The following GLRX3 variants were observed in gnomAD, a reference collection of about 807,000 sequenced individuals.
The protein encoded by GLRX3 is glutaredoxin 3.
Under a neutral mutation model 49.5 loss-of-function variants are expected in GLRX3, and 22 were observed. The ratio of observed to expected loss-of-function variants is 0.44; its 90% CI spans 0.32 to 0.63. GLRX3 has a LOEUF of 0.63. Ranked by LOEUF, GLRX3 falls within the 30% of genes least tolerant of loss-of-function variation. GLRX3 has a pLI of 0.05. For missense variants in GLRX3, 385 were observed against 396.3 expected (o/e 0.97, Z 0.24); for synonymous variants, 133 against 140.0 (o/e 0.95, Z 0.35).
chr10:130,162,762 G>A (rs1290389878), intron 4 of GLRX3, among the ~76,000 whole-genome samples: 3 of 152,168 alleles, frequency 2.0e-5, no homozygotes, highest in Non-Finnish European at 4.4e-5. Context: ...AGGATGTCCT[G>A]GGAAGTGTGC....
intron 10 of GLRX3, among the ~76,000 whole-genome samples, 172 bp from the exon 11 acceptor site, chr10:130,179,170 G>A (rs1257996335): frequency 6.6e-6 from 1 of 152,184 alleles, no homozygotes; most frequent in African/African-American, 2.4e-5. Flanking sequence ...TAACCTGATA[G>A]TGTATTCAGG....
intron 2 of GLRX3, among the ~76,000 whole-genome samples, chr10:130,151,840 C>T (rs562093951): frequency 6.6e-6 from 1 of 152,184 alleles, no homozygotes; most frequent in South Asian, 2.1e-4. Context: ...TTTCCATTTG[C>T]TTGGTAGATC....
At chr10:130,139,024 G>C (rs949636508) in intron 1 of GLRX3, among the ~76,000 whole-genome samples, 2 of 151,578 alleles carry the variant, frequency 1.3e-5, no homozygotes, top group African/African-American at 4.8e-5. Flanking sequence ...ACCACGCCTG[G>C]CTAATTTTTG....
intron 10 of GLRX3, among the ~76,000 whole-genome samples, chr10:130,178,855 C>T (rs1014848184): frequency 2.4e-4 from 37 of 152,174 alleles, no homozygotes; most frequent in African/African-American, 8.0e-4. Flanking sequence ...AGGTGCCCGC[C>T]ACCATGCCCA....
At chr10:130,174,753 A>G in intron 8 of GLRX3, 114 bp from the exon 9 acceptor site, 1 of 722,858 alleles carries the variant, frequency 1.4e-6, no homozygotes, top group Non-Finnish European at 2.5e-6. Context: ...TCTGTAGTAC[A>G]TTTTGTTAGC....
At chr10:130,163,666 T>C (rs1053069426) in intron 4 of GLRX3, among the ~76,000 whole-genome samples, 4 of 152,234 alleles carry the variant, frequency 2.6e-5, no homozygotes, top group Admixed American at 2.0e-4. Flanking sequence ...TGCTGTTCTT[T>C]AATAAAATAC....
At chr10:130,137,970 G>A (rs1022680118) in intron 1 of GLRX3, among the ~76,000 whole-genome samples, 13 of 152,078 alleles carry the variant, frequency 8.5e-5, no homozygotes, top group African/African-American at 3.1e-4. Context: ...TTCTGGACTC[G>A]AGCGATCTGC....
In GLRX3 at chr10:130,159,409, T is replaced by C. The variant is rs140685067; in HGVS notation, c.202-586T>C. On this transcript the variant is annotated intron_variant, in intron 2 of 10. Transcript: ENST00000331244. ...TCATCTTATTTAAAAGGTATTTACATTGTAAATAGACCGGAAGCAAGTAAC... is the reference window on the plus strand; with the variant it reads ...TCATCTTATTTAAAAGGTATTTACACTGTAAATAGACCGGAAGCAAGTAAC... 7.2e-3 allele frequency among the ~76,000 whole-genome samples: 1,091 copies of C among 152,338 alleles called. 18 individuals carry two copies. The highest frequency in any genetic ancestry group is 0.025 in the African/African-American group (1,025 of 41,572).
chr10:130,141,883 G>A (rs1170133764), intron 1 of GLRX3, among the ~76,000 whole-genome samples: 1 of 152,222 alleles, frequency 6.6e-6, no homozygotes, highest in Non-Finnish European at 1.5e-5. Flanking sequence ...AGGCTCCTGA[G>A]GGAGGGTTTT....
intron 2 of GLRX3, among the ~76,000 whole-genome samples, chr10:130,147,968 C>T (rs1862299295): frequency 6.6e-6 from 1 of 152,036 alleles, no homozygotes. Flanking sequence ...TCCTTGAGCC[C>T]AGGAGGTCTC....
intron 1 of GLRX3, among the ~76,000 whole-genome samples, chr10:130,140,652 A>C (rs1221900261): frequency 6.6e-6 from 1 of 152,222 alleles, no homozygotes; most frequent in Admixed American, 6.5e-5. Flanking sequence ...AAATGAATTC[A>C]GTTTCTATGG....
chr10:130,158,766 C>T (rs575818254), intron 2 of GLRX3, among the ~76,000 whole-genome samples: 2 of 152,138 alleles, frequency 1.3e-5, no homozygotes, highest in Admixed American at 1.3e-4. Context: ...TCTCGAATGC[C>T]TTATCTTTTT....
intron 10 of GLRX3, among the ~76,000 whole-genome samples, chr10:130,179,099 A>C (rs1862977662): frequency 6.6e-6 from 1 of 152,186 alleles, no homozygotes; most frequent in Non-Finnish European, 1.5e-5. Context: ...CGGCCTCCCA[A>C]AGTGCTGGGA....
intron 10 of GLRX3, 67 bp downstream of exon 10, chr10:130,175,156 TA>T: frequency 1.1e-6 from 1 of 900,866 alleles, no homozygotes; most frequent in Non-Finnish European, 1.8e-6. Context: ...AATGATTTCA[TA>T]TTGAATGGAA....
At chr10:130,155,828 G>A (rs1049709971) in intron 2 of GLRX3, among the ~76,000 whole-genome samples, 13 of 152,202 alleles carry the variant, frequency 8.5e-5, no homozygotes, top group African/African-American at 2.7e-4. Flanking sequence ...GCACATGCCG[G>A]TGTTCAGGGG....
At chr10:130,142,598 C>T (rs1862196084) in intron 1 of GLRX3, among the ~76,000 whole-genome samples, 1 of 152,190 alleles carries the variant, frequency 6.6e-6, no homozygotes, top group Non-Finnish European at 1.5e-5. Context: ...TTTTCTCTGC[C>T]TGTACAGATC....
chr10:130,158,437 T>G lies in GLRX3; in HGVS notation c.202-1558T>G, dbSNP rs559798437. Among the ~76,000 whole-genome samples the G allele has an allele frequency of 7.2e-5, 11 of 152,280 alleles. No individual in the cohort carries two copies. In the South Asian group the frequency reaches 2.3e-3, roughly 32 times the overall value. ...TTTTTATGAGTCAGGGTGCTACCTGTTTTGTTCTGGTTTAAGATCACATTA... is the reference window on the plus strand; with the variant it reads ...TTTTTATGAGTCAGGGTGCTACCTGGTTTGTTCTGGTTTAAGATCACATTA... On this transcript the variant is annotated intron_variant, in intron 2 of 10. Coordinates refer to ENST00000331244, the MANE Select transcript of GLRX3 (RefSeq NM_006541.5).
At chr10:130,170,596 A>G (rs938540407) in intron 7 of GLRX3, among the ~76,000 whole-genome samples, 2 of 152,184 alleles carry the variant, frequency 1.3e-5, no homozygotes, top group Admixed American at 6.5e-5. Flanking sequence ...AATTCCTAGT[A>G]ATGATAAAGT....
chr10:130,179,290 C>T, intron 10 of GLRX3, 52 bp from the exon 11 acceptor site: 3 of 826,522 alleles, frequency 3.6e-6, no homozygotes, highest in African/African-American at 1.8e-5. Context: ...TAGATGTTTC[C>T]ATCTTTTTAT....
Sources: gnomAD v4.1 joint callset for allele counts (sites outside exome capture counted in the v4.1 genomes callset) on GRCh38, gnomAD v4.1.1 for gene constraint, MANE v1.5 for transcripts, NCBI Gene and HGNC (gene_info 2026-07-23, HGNC 2026-07-21) for gene names.